The following TES variants were observed in gnomAD, a reference collection of about 807,000 sequenced individuals.
TES encodes the protein testin.
TES carries 41 observed loss-of-function variants against 48.2 expected under a neutral mutation model. The observed-to-expected ratio is 0.85, with a 90% CI of 0.66 to 1.10. The LOEUF (loss-of-function observed/expected upper bound fraction) is 1.10. Among genes scored for constraint, TES ranks in the 50% least tolerant of loss-of-function variants. TES has a pLI of 0.00. For synonymous variants in TES, 162 were observed against 174.9 expected, an observed-to-expected ratio of 0.93 and a Z score of 0.58; for missense variants, 463 against 515.1, an observed-to-expected ratio of 0.90 and a Z score of 0.98.
intron 3 of TES, chr7:116,249,910 CAGT>C: frequency 3.0e-6 from 1 of 336,788 alleles, no homozygotes; most frequent in Non-Finnish European, 5.3e-6. Flanking sequence ...CTTAAGTAAA[CAGT>C]AGTAACTCAG....
chr7:116,241,177 ATGTAT>A (rs1490448947), intron 2 of TES, among the ~76,000 whole-genome samples: 2 of 152,188 alleles, frequency 1.3e-5, no homozygotes, highest in Non-Finnish European at 2.9e-5. Context: ...CTTTTAATAA[ATGTAT>A]TGGATTGCTT....
At chr7:116,217,625 A>C in intron 1 of TES, 1 of 275,778 alleles carries the variant, frequency 3.6e-6, no homozygotes, top group South Asian at 3.7e-5. Flanking sequence ...GAAGATAAGG[A>C]AACAAAAGAC....
chr7:116,220,683 C>A (rs193235420), intron 1 of TES, among the ~76,000 whole-genome samples: 1 of 152,144 alleles, frequency 6.6e-6, no homozygotes, highest in Non-Finnish European at 1.5e-5. Context: ...AATAAGTAAA[C>A]ATTTTGAGAA....
intron 2 of TES, among the ~76,000 whole-genome samples, chr7:116,248,579 A>T (rs1028821220): frequency 5.9e-5 from 9 of 152,152 alleles, no homozygotes; most frequent in Non-Finnish European, 1.2e-4. Flanking sequence ...GGCCATATGT[A>T]TATCTTCTTT....
intron 2 of TES, among the ~76,000 whole-genome samples, chr7:116,244,199 T>C (rs1352831783): frequency 6.6e-6 from 1 of 151,946 alleles, no homozygotes; most frequent in Non-Finnish European, 1.5e-5. Context: ...CTTCCAACAG[T>C]CCCCCAAAGT....
rs1364970280 is a variant in TES at position 116,246,385 on chromosome 7, A to C, written c.114-2635A>C. 3.3e-5 allele frequency among the ~76,000 whole-genome samples: 5 copies of C among 152,210 alleles called. No homozygotes were observed. In the East Asian group the frequency reaches 9.6e-4, roughly 29 times the overall value. On this transcript the variant is annotated intron_variant, in intron 2 of 6. Transcript: ENST00000358204. ...GCCAGTTATGTTTCACCCCTAATCC[A>C]TTTACCACATGGCAGATATTGTGAT...
At chr7:116,227,241 C>T (rs6973227) in intron 1 of TES, among the ~76,000 whole-genome samples, 29,495 of 151,354 alleles carry the variant, frequency 0.19, 3,136 homozygotes, top group East Asian at 0.43. Context: ...CTCAGCCTCC[C>T]GAGTAGCTGG....
intron 1 of TES, among the ~76,000 whole-genome samples, chr7:116,218,474 C>T (rs550063316): frequency 2.6e-4 from 40 of 152,226 alleles, no homozygotes; most frequent in African/African-American, 9.1e-4. Flanking sequence ...ATGACCACAA[C>T]GTGACAGTCT....
chr7:116,252,715 T>G, intron 6 of TES: 2 of 527,710 alleles, frequency 3.8e-6, no homozygotes, highest in Admixed American at 6.3e-5. Context: ...TACTGCTTAA[T>G]AATAAAATCC....
intron 2 of TES, among the ~76,000 whole-genome samples, chr7:116,235,046 C>A (rs142537758): frequency 1.3e-5 from 2 of 152,164 alleles, no homozygotes; most frequent in African/African-American, 4.8e-5. Context: ...CTGGTTCAAG[C>A]GATTCTCTTG....
intron 2 of TES, among the ~76,000 whole-genome samples, chr7:116,240,569 T>A (rs758789344): frequency 7.2e-5 from 11 of 152,194 alleles, no homozygotes; most frequent in African/African-American, 2.7e-4. Context: ...CAACTTTTTA[T>A]ACAAATAACC....
rs533721262 is a variant in TES at position 116,226,768 on chromosome 7, C to A, written c.28-7766C>A. ...CTGTGTGGTTTTTAGAAAAGAGACA[C>A]TAGAATTTGGAGCATCGTAAGCATG... On this transcript the variant is annotated intron_variant, in intron 1 of 6. Transcript: ENST00000358204. Among the ~76,000 whole-genome samples, 114 of 152,244 alleles carry A rather than the reference C, an allele frequency of 7.5e-4. 5 individuals are homozygous for A. The South Asian group carries it at 0.022, about 30-fold the overall frequency.
intron 1 of TES, among the ~76,000 whole-genome samples, chr7:116,218,966 A>G (rs1799525824): frequency 6.6e-6 from 1 of 152,176 alleles, no homozygotes. Context: ...CTAATTGCCT[A>G]CTGTCAGTTT....
intron 1 of TES, among the ~76,000 whole-genome samples, chr7:116,216,132 G>C (rs1158108049): frequency 6.6e-6 from 1 of 152,160 alleles, no homozygotes; most frequent in South Asian, 2.1e-4. Context: ...AGTGGAAAGA[G>C]AGTGATAAAT....
intron 1 of TES, 48 bp downstream of exon 1, chr7:116,210,782 C>T (rs531214687): frequency 8.1e-7 from 1 of 1,229,540 alleles, no homozygotes; most frequent in Non-Finnish European, 1.0e-6. Flanking sequence ...CTGCGCGGGT[C>T]GCGCGGCGCG....
At chr7:116,212,477 G>A (rs373155277) in intron 1 of TES, among the ~76,000 whole-genome samples, 15 of 152,134 alleles carry the variant, frequency 9.9e-5, no homozygotes, top group African/African-American at 3.4e-4. Context: ...TTGGTAGTCC[G>A]GGAGGCTGCT....
chr7:116,252,509 G>A, intron 6 of TES, 33 bp downstream of exon 6: 1 of 1,614,120 alleles, frequency 6.2e-7, no homozygotes, highest in Non-Finnish European at 8.5e-7. Flanking sequence ...GGTTGCCTCA[G>A]CCTGCTTTAG....
chr7:116,256,957 G>A (rs1353279439), intron 6 of TES, among the ~76,000 whole-genome samples: 1 of 152,202 alleles, frequency 6.6e-6, no homozygotes, highest in Non-Finnish European at 1.5e-5. Flanking sequence ...AAACTTCTGT[G>A]TAATTACAAA....
rs2116582331 is a variant in TES at position 116,225,574 on chromosome 7, A to T, written c.28-8960A>T. Reference sequence around the variant, plus strand: ...TATTTACTGCTGTCTGTGAACAAAAAAGATTTCTGACCATTTGGCTTACAG... The same window carrying T: ...TATTTACTGCTGTCTGTGAACAAAATAGATTTCTGACCATTTGGCTTACAG... On this transcript the variant is annotated intron_variant, in intron 1 of 6. Transcript: ENST00000358204. Among the ~76,000 whole-genome samples the T allele has an allele frequency of 1.3e-5, 2 of 152,350 alleles. 1 individual carries two copies. Among genetic ancestry groups the T allele is most frequent in the Middle Eastern group, 6.8e-3 (2 of 294 alleles).
Sources: gnomAD v4.1 joint callset for allele counts (sites outside exome capture counted in the v4.1 genomes callset) on GRCh38, gnomAD v4.1.1 for gene constraint, MANE v1.5 for transcripts, NCBI Gene and HGNC (gene_info 2026-07-23, HGNC 2026-07-21) for gene names.